Variants in SLTM observed in about 807,000 individuals in gnomAD.
SLTM encodes the protein SAFB-like transcription modulator.
Under a neutral mutation model 134.6 loss-of-function variants are expected in SLTM, and 43 were observed. The observed-to-expected ratio is 0.32, with a 90% CI of 0.25 to 0.41. The LOEUF (loss-of-function observed/expected upper bound fraction) is 0.41. Ranked by LOEUF, SLTM falls within the 10% of genes least tolerant of loss-of-function variation. The pLI is 1.00. For missense variants in SLTM, 1,055 were observed against 1,288.8 expected (o/e 0.82, Z 2.78); for synonymous variants, 424 against 432.3 (o/e 0.98, Z 0.24).
At chr15:58,924,463 G>A (rs2037322455) in intron 2 of SLTM, among the ~76,000 whole-genome samples, 1 of 152,138 alleles carries the variant, frequency 6.6e-6, no homozygotes, top group Non-Finnish European at 1.5e-5. Context: ...GTAAAACGTT[G>A]CATATACTAT....
chr15:58,918,630 A>G (rs2036811438), intron 2 of SLTM, among the ~76,000 whole-genome samples: 1 of 152,164 alleles, frequency 6.6e-6, no homozygotes, highest in Admixed American at 6.5e-5. Flanking sequence ...TTAACTTTCT[A>G]TTTACAATGT....
In SLTM at chr15:58,883,895, C is replaced by CCT. The variant is rs1225313310; in HGVS notation, c.2836-110_2836-109insAG. On this transcript the variant is annotated intron_variant, in intron 19 of 20. Transcript: ENST00000380516. ...GGCGGATCACCTGAGGTCAGGAGTT[C>CCT]GAGACCAGCCTGGCTAACATGGTGC... 3 of 1,196,322 alleles carry CCT rather than the reference C, an allele frequency of 2.5e-6. No individual in the cohort carries two copies. In the East Asian group the frequency reaches 7.7e-5, roughly 31 times the overall value. 74.1% of individuals were successfully genotyped at this position (1,196,322 alleles called of 1,614,324 possible). A position where few individuals can be genotyped will look rare whatever the true frequency, so the allele number is the denominator to read the frequency against.
chr15:58,929,318 C>T (rs1299505020), intron 2 of SLTM, among the ~76,000 whole-genome samples: 1 of 151,992 alleles, frequency 6.6e-6, no homozygotes, highest in Non-Finnish European at 1.5e-5. Flanking sequence ...AGTGGTGGCG[C>T]ATGCCTGTAA....
chr15:58,916,947 A>C lies in SLTM; in HGVS notation c.303T>G (p.Asp101Glu), dbSNP rs1307440227. 1.2e-6 allele frequency: 2 copies of C among 1,613,784 alleles called. No individual in the cohort carries two copies. The highest frequency in any genetic ancestry group is 1.7e-4 in the Middle Eastern group (1 of 6,058). Residue 101 changes from aspartate to glutamate, a missense_variant, in exon 3 of 21, where the codon GAT (aspartate) becomes GAG (glutamate). By Grantham distance (45) the Asp-to-Glu change is conservative. Around this residue, in one of 3 missense-constraint regions of SLTM, gnomAD observed 268 missense variants for 284.3 expected, o/e 0.94. Transcript: ENST00000380516. The part of the protein sequence containing the change: ...ELSGDASVED[D>E]AFIKDCELEN... ...ATTAACACTTTACCTTGATAAAAGC[A>C]TCATCTTCCACAGAAGCATCTCCAC...
chr15:58,884,014 A>G (rs1306005614), intron 19 of SLTM, among the ~76,000 whole-genome samples: 1 of 151,108 alleles, frequency 6.6e-6, no homozygotes, highest in Non-Finnish European at 1.5e-5. Flanking sequence ...CAGGAGAATC[A>G]CTTGAACCCG....
chr15:58,913,810 A>G lies in SLTM; in HGVS notation c.316-114T>C, dbSNP rs373462533. On this transcript the variant is annotated intron_variant, in intron 3 of 20. Coordinates refer to ENST00000380516, the MANE Select transcript of SLTM (RefSeq NM_024755.4). ...GTGTCAAATTTGATCATATTTTAAT[A>G]TTCCCAAAGTTCATTCATTTTACCT... The G allele has an allele frequency of 1.7e-5, 13 of 755,986 alleles. No individual in the cohort carries two copies. The South Asian group carries it at 2.2e-4, about 13-fold the overall frequency. 46.8% of individuals were successfully genotyped at this position (755,986 alleles called of 1,614,324 possible).
chr15:58,929,454 A>G (rs2037715893), intron 2 of SLTM, among the ~76,000 whole-genome samples: 1 of 152,194 alleles, frequency 6.6e-6, no homozygotes. Flanking sequence ...ATCTCAAAAA[A>G]AAGAAAAGAA....
Position 58,899,502 on chromosome 15 carries a change from G to C in SLTM, c.1025C>G (p.Pro342Arg), listed in dbSNP as rs769791105. The C allele has an allele frequency of 6.2e-7, 1 of 1,613,998 alleles. No homozygotes were observed. Among genetic ancestry groups the C allele is most frequent in the Admixed American group, 1.7e-5 (1 of 60,016 alleles). Reference sequence around the variant, plus strand: ...TTGACCAGAGGCCCCAGTAGACGAGGGCCCTTTCTTCAAAGTATCCTTTTC... The same window carrying C: ...TTGACCAGAGGCCCCAGTAGACGAGCGCCCTTTCTTCAAAGTATCCTTTTC... Reference protein sequence around the residue: ...DKEKDTLKKGPSSTGASGQAK... With the variant: ...DKEKDTLKKGRSSTGASGQAK... Residue 342 changes from proline to arginine, a missense_variant, in exon 7 of 21, where the codon CCC (proline) becomes CGC (arginine). Around this residue, in one of 3 missense-constraint regions of SLTM, gnomAD observed 776 missense variants for 962.2 expected, o/e 0.81. Transcript: ENST00000380516. This position sits in a 1 kb window ranked among gnomAD's most constrained non-coding sequence, Gnocchi z 5.0.
intron 9 of SLTM, among the ~76,000 whole-genome samples, chr15:58,895,625 T>C (rs2035022720): frequency 6.6e-6 from 1 of 152,252 alleles, no homozygotes; most frequent in Non-Finnish European, 1.5e-5. Context: ...CATAGCCATT[T>C]ATTTTTTAAC....
At chr15:58,901,072 T>C (rs930448713) in intron 6 of SLTM, 188 bp downstream of exon 6, 25 of 573,440 alleles carry the variant, frequency 4.4e-5, no homozygotes, top group African/African-American at 4.2e-4. Context: ...TTGCAATATA[T>C]CTTTAGTGTT....
chr15:58,932,866 T>C (rs1200288901), intron 1 of SLTM, among the ~76,000 whole-genome samples: 2 of 152,204 alleles, frequency 1.3e-5, no homozygotes, highest in African/African-American at 4.8e-5. Context: ...AAAAAGTAAT[T>C]ATTGCGCTGA....
intron 5 of SLTM, among the ~76,000 whole-genome samples, chr15:58,907,639 A>C (rs531859806): frequency 1.8e-4 from 27 of 151,984 alleles, no homozygotes; most frequent in Non-Finnish European, 3.1e-4. Context: ...CAACAACAAC[A>C]AAATTAAAGT....
intron 2 of SLTM, among the ~76,000 whole-genome samples, chr15:58,920,828 G>A (rs1179491067): frequency 1.3e-5 from 2 of 151,392 alleles, no homozygotes; most frequent in Admixed American, 6.6e-5. Context: ...GGTGATGGGC[G>A]CCTGTAATCC....
At chr15:58,884,076 G>A (rs1020524669) in intron 19 of SLTM, among the ~76,000 whole-genome samples, 2 of 149,976 alleles carry the variant, frequency 1.3e-5, no homozygotes, top group Admixed American at 6.7e-5. Context: ...TCCAGCTTGG[G>A]CAACAAGAGT....
chr15:58,886,989 C>T lies in SLTM; in HGVS notation c.2821G>A (p.Gly941Arg). 1 of 1,612,498 alleles carries T rather than the reference C, an allele frequency of 6.2e-7. No homozygotes were observed. Among genetic ancestry groups the T allele is most frequent in the Non-Finnish European group, 8.5e-7 (1 of 1,180,008 alleles). ...EGDRGVITDRGGGSQHYPEER... is the reference protein window; with the variant it reads ...EGDRGVITDRRGGSQHYPEER... ...GCAGCACTTACCTGTGATCCACCTC[C>T]TCGGTCTGTGATGACTCCTCTGTCT... The change falls in exon 19 of 21, where the codon GGA (glycine) becomes AGA (arginine). Residue 941 changes from glycine to arginine, a missense_variant. Gly to Arg is a moderately radical substitution (Grantham distance 125, BLOSUM62 -2). This residue lies in a region of SLTM where 776 missense variants were observed against 962.2 expected (regional missense o/e 0.81). Coordinates refer to ENST00000380516, the MANE Select transcript of SLTM (RefSeq NM_024755.4).
At chr15:58,915,227 CA>C (rs1555454294) in intron 3 of SLTM, among the ~76,000 whole-genome samples, 2 of 109,510 alleles carry the variant, frequency 1.8e-5, no homozygotes, top group East Asian at 2.6e-4. Flanking sequence ...AAAACAAAAA[CA>C]AAAAAAAAGT....
chr15:58,921,632 T>C, intron 2 of SLTM: 1 of 421,758 alleles, frequency 2.4e-6, no homozygotes, highest in Non-Finnish European at 4.8e-6. Context: ...GAAACTGGAG[T>C]AACAACCTGA....
intron 19 of SLTM, 146 bp downstream of exon 19, chr15:58,886,829 A>T: frequency 2.0e-6 from 2 of 994,666 alleles, no homozygotes; most frequent in Non-Finnish European, 2.8e-6. Flanking sequence ...CAGATTTTAA[A>T]AATTTAAATA....
At chr15:58,924,249 T>C (rs545139012) in intron 2 of SLTM, among the ~76,000 whole-genome samples, 5 of 152,322 alleles carry the variant, frequency 3.3e-5, no homozygotes, top group East Asian at 1.9e-4. Context: ...GTAACATAGC[T>C]ATTTTGAAAT....
Sources: allele counts gnomAD v4.1 joint callset (sites outside exome capture counted in the v4.1 genomes callset), GRCh38; gene constraint gnomAD v4.1.1; regional missense constraint gnomAD v4.1.1; non-coding constraint Gnocchi (gnomAD v3.1); transcripts MANE v1.5; gene names NCBI Gene and HGNC (gene_info 2026-07-23, HGNC 2026-07-21).